APCDD1L: variants seen among roughly 807,000 people sequenced by gnomAD.
APCDD1L encodes the protein protein APCDD1-like.
Under a neutral mutation model 24.2 loss-of-function variants are expected in APCDD1L, and 21 were observed. The observed-to-expected ratio is 0.87, with a 90% CI of 0.61 to 1.25. APCDD1L has a LOEUF of 1.25. APCDD1L is among the 50% of genes most tolerant of loss of function. The pLI, the probability that APCDD1L is intolerant of heterozygous loss-of-function variation, is 0.00. For synonymous variants in APCDD1L, 321 were observed against 323.6 expected (o/e 0.99, Z 0.09); for missense variants, 704 against 711.7 (o/e 0.99, Z 0.12).
chr20:58,499,538 C>T (rs982251130), intron 1 of APCDD1L, among the ~76,000 whole-genome samples: 1 of 152,210 alleles, frequency 6.6e-6, no homozygotes, highest in Non-Finnish European at 1.5e-5. Flanking sequence ...ACCCCATTCC[C>T]ACTTCCTTGC....
chr20:58,459,557 G>T lies in APCDD1L; in HGVS notation c.*1233C>A. On this transcript the variant is annotated 3_prime_UTR_variant, in exon 4 of 4. Coordinates refer to ENST00000371149, the MANE Select transcript of APCDD1L (RefSeq NM_153360.3). ...GGAGGGGGTGAGTCATTGGCCCCCAGTCCTGAAAACCCTTGGGCCCACCAG... is the reference window on the plus strand; with the variant it reads ...GGAGGGGGTGAGTCATTGGCCCCCATTCCTGAAAACCCTTGGGCCCACCAG... The T allele has an allele frequency of 6.6e-6, 1 of 152,290 alleles. No individual in the cohort carries two copies. Among genetic ancestry groups the T allele is most frequent in the East Asian group, 1.9e-4 (1 of 5,198 alleles). 9.4% of individuals were successfully genotyped at this position (152,290 alleles called of 1,614,324 possible).
chr20:58,503,473 A>G (rs1360609586), intron 1 of APCDD1L, among the ~76,000 whole-genome samples: 1 of 152,238 alleles, frequency 6.6e-6, no homozygotes, highest in Non-Finnish European at 1.5e-5. Context: ...TGTACATTTC[A>G]AAGAACAAGT....
chr20:58,505,445 G>A (rs1990514090), intron 1 of APCDD1L, among the ~76,000 whole-genome samples: 1 of 152,054 alleles, frequency 6.6e-6, no homozygotes, highest in South Asian at 2.1e-4. Context: ...AATTTTTTAT[G>A]TATGCATAAT....
In APCDD1L at chr20:58,467,574, G is replaced by A. The variant is rs752870104; in HGVS notation, c.273C>T (p.Tyr91=). The change falls in exon 3 of 4, where the codon TAC becomes TAT. Residue 91 remains tyrosine, a synonymous_variant. Transcript: ENST00000371149. This position sits in a 1 kb window ranked among gnomAD's most constrained non-coding sequence, Gnocchi z 5.9. The part of the protein sequence containing the change: ...PSRLFRAHQF[Y]YEDPFCGEPA... ...GTTCCCCGCAGAAGGGGTCCTCGTA[G>A]TAGAACTGGTGGGCTCGAAAGAGCC... is the stretch of plus-strand genomic sequence containing the variant. 1.9e-6 allele frequency: 3 copies of A among 1,576,826 alleles called. No homozygotes were observed. Among genetic ancestry groups the A allele is most frequent in the Admixed American group, 3.6e-5 (2 of 56,074 alleles).
At position 58,467,410 on chromosome 20, in the gene APCDD1L, G is replaced by C; in HGVS notation, c.437C>G (p.Thr146Ser). The C allele has an allele frequency of 6.5e-7, 1 of 1,545,856 alleles. No homozygotes were observed. Among genetic ancestry groups the C allele is most frequent in the Non-Finnish European group, 8.7e-7 (1 of 1,148,434 alleles). ...GGCGCGGGTCTGGTTGAGGCGCCCG[G>C]TGACGTCGACCAGGGCCCGGCGGCT... ...FHSRRALVDV[T>S]GRLNQTRAGR... Residue 146 changes from threonine (T) to serine (S), a missense_variant, in exon 3 of 4, where the codon ACC (threonine) becomes AGC (serine). Coordinates refer to ENST00000371149, the MANE Select transcript of APCDD1L (RefSeq NM_153360.3). This position sits in a 1 kb window ranked among gnomAD's most constrained non-coding sequence, Gnocchi z 5.9.
At chr20:58,489,173 GC>G (rs1600864066) in intron 1 of APCDD1L, among the ~76,000 whole-genome samples, 1 of 152,040 alleles carries the variant, frequency 6.6e-6, no homozygotes, top group Non-Finnish European at 1.5e-5. Flanking sequence ...TTAAAAATCT[GC>G]CCCCTGCCCC....
chr20:58,465,007 C>T (rs58605741), intron 3 of APCDD1L, among the ~76,000 whole-genome samples: 11,982 of 152,154 alleles, frequency 0.079, 707 homozygotes, highest in East Asian at 0.27. Context: ...CCAGGTTGGC[C>T]GGGCAGCAGG....
intron 1 of APCDD1L, among the ~76,000 whole-genome samples, chr20:58,471,262 C>A (rs562783576): frequency 6.6e-6 from 1 of 152,342 alleles, no homozygotes; most frequent in East Asian, 1.9e-4. Flanking sequence ...CTTGGCCTCT[C>A]CCGGCACACA....
chr20:58,505,451 A>C (rs568670511), intron 1 of APCDD1L, among the ~76,000 whole-genome samples: 11 of 152,190 alleles, frequency 7.2e-5, no homozygotes, highest in Admixed American at 2.6e-4. Flanking sequence ...TTATGTATGC[A>C]TAATTCCTTC....
intron 1 of APCDD1L, among the ~76,000 whole-genome samples, chr20:58,489,735 C>T (rs777297291): frequency 5.3e-5 from 8 of 151,666 alleles, no homozygotes; most frequent in Non-Finnish European, 1.0e-4. Flanking sequence ...TACATAAACT[C>T]GTCCAGAAAG....
intron 1 of APCDD1L, among the ~76,000 whole-genome samples, chr20:58,486,889 T>G (rs1417923262): frequency 8.0e-6 from 1 of 124,564 alleles, no homozygotes; most frequent in African/African-American, 3.1e-5. Context: ...TGAGATGAAG[T>G]CTTGCTCTGT....
intron 1 of APCDD1L, among the ~76,000 whole-genome samples, chr20:58,502,248 C>T (rs1174065874): frequency 6.6e-6 from 1 of 152,048 alleles, no homozygotes; most frequent in Non-Finnish European, 1.5e-5. Flanking sequence ...TTACAGGTGC[C>T]CACCACCATG....
At chr20:58,495,359 A>C (rs781470532) in intron 1 of APCDD1L, among the ~76,000 whole-genome samples, 5 of 152,190 alleles carry the variant, frequency 3.3e-5, no homozygotes, top group Non-Finnish European at 7.4e-5. Context: ...GCCTGACTGC[A>C]TGGATGGTGT....
chr20:58,505,433 A>G (rs776062364), intron 1 of APCDD1L, among the ~76,000 whole-genome samples: 7 of 152,112 alleles, frequency 4.6e-5, no homozygotes, highest in Non-Finnish European at 1.0e-4. Flanking sequence ...TTTTGGATAT[A>G]TAATTTTTTA....
chr20:58,498,963 A>C (rs1990377482), intron 1 of APCDD1L, among the ~76,000 whole-genome samples: 1 of 152,232 alleles, frequency 6.6e-6, no homozygotes, highest in African/African-American at 2.4e-5. Context: ...CCTTGGCTGC[A>C]GAACCCTTTA....
At chr20:58,513,155 G>GCC (rs1990661940) in intron 1 of APCDD1L, among the ~76,000 whole-genome samples, 1 of 152,162 alleles carries the variant, frequency 6.6e-6, no homozygotes, top group Non-Finnish European at 1.5e-5. Context: ...TGGGTGCAAC[G>GCC]GCCTGGAGGA....
chr20:58,469,985 T>G (rs1451810562), intron 2 of APCDD1L, among the ~76,000 whole-genome samples: 1 of 152,194 alleles, frequency 6.6e-6, no homozygotes, highest in Non-Finnish European at 1.5e-5. Flanking sequence ...GCAAAGTCCA[T>G]TGGCCGCAAA....
chr20:58,468,061 C>A (rs1389042679), intron 2 of APCDD1L, among the ~76,000 whole-genome samples: 1 of 152,106 alleles, frequency 6.6e-6, no homozygotes, highest in African/African-American at 2.4e-5. Context: ...AATGGAGGCC[C>A]GTCTTGTCTC....
At chr20:58,507,552 C>T (rs968251185) in intron 1 of APCDD1L, among the ~76,000 whole-genome samples, 1 of 152,140 alleles carries the variant, frequency 6.6e-6, no homozygotes, top group Non-Finnish European at 1.5e-5. Context: ...CACCCCGACA[C>T]ACACACAGTG....
Sources: gnomAD v4.1 joint callset for allele counts (sites outside exome capture counted in the v4.1 genomes callset) on GRCh38, gnomAD v4.1.1 for gene constraint, Gnocchi (gnomAD v3.1) non-coding constraint, MANE v1.5 for transcripts, NCBI Gene and HGNC (gene_info 2026-07-23, HGNC 2026-07-21) for gene names.